Variants in ACO1 observed in about 807,000 individuals in gnomAD.
ACO1 encodes aconitase 1, also known as cytoplasmic aconitate hydratase.
Under a neutral mutation model 105.1 loss-of-function variants are expected in ACO1, and 78 were observed. The observed-to-expected ratio is 0.74, with a 90% CI of 0.62 to 0.90. ACO1 has a LOEUF of 0.90. Among genes scored for constraint, ACO1 ranks in the 40% least tolerant of loss-of-function variants. ACO1 has a pLI of 0.00. For missense variants in ACO1, 965 were observed against 1,111.1 expected, an observed-to-expected ratio of 0.87 and a Z score of 1.87; for synonymous variants, 364 against 397.4, an observed-to-expected ratio of 0.92 and a Z score of 1.00.
At chr9:32,443,765 A>T (rs1822533505) in intron 19 of ACO1, among the ~76,000 whole-genome samples, 1 of 152,208 alleles carries the variant, frequency 6.6e-6, no homozygotes, top group Non-Finnish European at 1.5e-5. Context: ...ATGGAGAATT[A>T]TAGAGGTAGC....
intron 13 of ACO1, 140 bp downstream of exon 13, chr9:32,429,643 T>A: frequency 1.3e-6 from 1 of 755,930 alleles, no homozygotes; most frequent in Non-Finnish European, 2.1e-6. Flanking sequence ...TAGTTAAAAT[T>A]ACTAGCTGGG....
chr9:32,398,541 T>G (rs1436091365), intron 1 of ACO1, among the ~76,000 whole-genome samples: 1 of 133,152 alleles, frequency 7.5e-6, no homozygotes, highest in African/African-American at 3.4e-5. Context: ...TCGGAATTTC[T>G]TTTTTTTTTT....
At chr9:32,394,894 G>C (rs936548758) in intron 1 of ACO1, among the ~76,000 whole-genome samples, 1 of 152,168 alleles carries the variant, frequency 6.6e-6, no homozygotes, top group Non-Finnish European at 1.5e-5. Context: ...TGGTGAGGTG[G>C]CTGGGTATAG....
At chr9:32,433,527 A>T (rs1304346304) in intron 15 of ACO1, among the ~76,000 whole-genome samples, 1 of 152,108 alleles carries the variant, frequency 6.6e-6, no homozygotes, top group African/African-American at 2.4e-5. Flanking sequence ...GTGAGCTACC[A>T]TGCCCAGCCC....
rs895872002 is a variant in ACO1, at chr9:32,446,681, G to A, written c.2371-2215G>A. ...AGTTGATGCAGTTTTTCATAGCATC[G>A]ATGGTCTTTACAATTTGGTATGTTT... is the stretch of plus-strand genomic sequence containing the variant. On this transcript the variant is annotated intron_variant, in intron 19 of 20. Coordinates refer to ENST00000309951, the MANE Select transcript of ACO1 (RefSeq NM_002197.3). Among the ~76,000 whole-genome samples, 5 of 152,094 alleles carry A rather than the reference G, an allele frequency of 3.3e-5. No individual in the cohort carries two copies. In the East Asian group the frequency reaches 9.6e-4, roughly 29 times the overall value.
intron 15 of ACO1, among the ~76,000 whole-genome samples, chr9:32,432,953 G>T (rs1361209324): frequency 6.6e-6 from 1 of 152,096 alleles, no homozygotes; most frequent in East Asian, 1.9e-4. Context: ...AGTTCCTCAA[G>T]GGCTGTTGCA....
chr9:32,409,531 T>G (rs1242464928), intron 4 of ACO1, among the ~76,000 whole-genome samples: 1 of 152,216 alleles, frequency 6.6e-6, no homozygotes, highest in Non-Finnish European at 1.5e-5. Context: ...CCCCACATCC[T>G]TAGCATCCAA....
intron 4 of ACO1, among the ~76,000 whole-genome samples, chr9:32,417,371 T>TTAC (rs1821872721): frequency 6.6e-6 from 1 of 152,226 alleles, no homozygotes; most frequent in South Asian, 2.1e-4. Context: ...GCTATTAATT[T>TTAC]TACTAGCCTT....
chr9:32,390,353 A>G (rs61238563), intron 1 of ACO1, among the ~76,000 whole-genome samples: 22,669 of 152,232 alleles, frequency 0.15, 1,905 homozygotes, highest in African/African-American at 0.22. Flanking sequence ...CTGCCTGTGC[A>G]TCTGAATTCA....
chr9:32,412,759 G>T (rs1301288524), intron 4 of ACO1, among the ~76,000 whole-genome samples: 2 of 152,102 alleles, frequency 1.3e-5, no homozygotes, highest in Admixed American at 1.3e-4. Flanking sequence ...AAATATATGC[G>T]TAAAATGTTA....
intron 12 of ACO1, 143 bp from the exon 13 acceptor site, chr9:32,429,276 T>G: frequency 1.6e-6 from 1 of 606,988 alleles, no homozygotes; most frequent in African/African-American, 1.8e-5. Flanking sequence ...AGAATGAAAC[T>G]TTTAGAAATA....
Position 32,418,453 on chromosome 9 carries a change from C to T in ACO1, c.600C>T (p.Ser200=), listed in dbSNP as rs146705506. The change falls in exon 6 of 21, where the codon AGC becomes AGT. Residue 200 remains serine (S), a synonymous_variant. Coordinates refer to ENST00000309951, the MANE Select transcript of ACO1 (RefSeq NM_002197.3). ...AGGATGGATATTATTACCCAGACAG[C>T]CTCGTGGGCACAGACTCGCACACTA... ...FDQDGYYYPD[S]LVGTDSHTTM... The T allele has an allele frequency of 6.2e-7, 1 of 1,614,154 alleles. No homozygotes were observed. Among genetic ancestry groups the T allele is most frequent in the South Asian group, 1.1e-5 (1 of 91,078 alleles).
chr9:32,449,828 C>T lies in ACO1; in HGVS notation c.2557-170C>T, dbSNP rs540733559. Among the ~76,000 whole-genome samples, 5 of 152,240 alleles carry T rather than the reference C, an allele frequency of 3.3e-5. No individual in the cohort carries two copies. In the South Asian group the frequency reaches 6.2e-4, roughly 19 times the overall value. ...TCCCAGAGATCTTGCTGAAATGCAT[C>T]TTCTGATTTAGTGGGTCTGGGCTGG... On this transcript the variant is annotated intron_variant, in intron 20 of 20. Transcript: ENST00000309951.
chr9:32,419,662 T>C (rs1214412950), intron 7 of ACO1, among the ~76,000 whole-genome samples: 2 of 152,258 alleles, frequency 1.3e-5, no homozygotes, highest in Admixed American at 1.3e-4. Flanking sequence ...TGGTTCTTCC[T>C]TTTATGTAAA....
At chr9:32,413,106 A>G (rs1211184367) in intron 4 of ACO1, among the ~76,000 whole-genome samples, 1 of 152,096 alleles carries the variant, frequency 6.6e-6, no homozygotes, top group African/African-American at 2.4e-5. Context: ...CCATGTACTG[A>G]AAACATGAAA....
At chr9:32,391,178 C>G (rs551745164) in intron 1 of ACO1, among the ~76,000 whole-genome samples, 9 of 152,322 alleles carry the variant, frequency 5.9e-5, no homozygotes, top group Non-Finnish European at 1.0e-4. Flanking sequence ...CCCTTGTCAT[C>G]TGGGCAGAGC....
At chr9:32,449,919 G>A in intron 20 of ACO1, 79 bp from the exon 21 acceptor site, 1 of 1,100,876 alleles carries the variant, frequency 9.1e-7, no homozygotes, top group Non-Finnish European at 1.4e-6. Context: ...CACCTGAGGG[G>A]CAGGCTGGGC....
chr9:32,426,850 C>T (rs140973411), intron 11 of ACO1, among the ~76,000 whole-genome samples: 13 of 152,276 alleles, frequency 8.5e-5, no homozygotes, highest in African/African-American at 2.9e-4. Flanking sequence ...TATATCTGAA[C>T]ACTCGATTTT....
In ACO1 at chr9:32,405,177, G is replaced by A. The variant is rs557055414; in HGVS notation, c.-22-308G>A. 5.9e-5 allele frequency among the ~76,000 whole-genome samples: 9 copies of A among 152,256 alleles called. No homozygotes were observed. In the South Asian group the frequency reaches 1.2e-3, roughly 21 times the overall value. On this transcript the variant is annotated intron_variant, in intron 1 of 20. Coordinates refer to ENST00000309951, the MANE Select transcript of ACO1 (RefSeq NM_002197.3). ...GTCTCCTCTTCAGTGTCTTGCGCCC[G>A]TTACCGGTACCTGTGGCGTGTCCTG...
Sources: allele counts gnomAD v4.1 joint callset (sites outside exome capture counted in the v4.1 genomes callset), GRCh38; gene constraint gnomAD v4.1.1; transcripts MANE v1.5; gene names NCBI Gene and HGNC (gene_info 2026-07-23, HGNC 2026-07-21).